The following UBE3C variants were observed in gnomAD, a reference collection of about 807,000 sequenced individuals.
The protein encoded by UBE3C is ubiquitin-protein ligase E3C.
Under a neutral mutation model 129.4 loss-of-function variants are expected in UBE3C, and 42 were observed. The observed-to-expected ratio is 0.32, with a 90% CI of 0.25 to 0.42. The LOEUF (loss-of-function observed/expected upper bound fraction) is 0.42. Among genes scored for constraint, UBE3C ranks in the 10% least tolerant of loss-of-function variants. The pLI is 1.00. For missense variants in UBE3C, 1,049 were observed against 1,319.1 expected (o/e 0.80, Z 3.17); for synonymous variants, 510 against 492.4 (o/e 1.04, Z -0.47).
chr7:157,243,493 TCA>T (rs1389028716), intron 18 of UBE3C, among the ~76,000 whole-genome samples: 1 of 152,212 alleles, frequency 6.6e-6, no homozygotes, highest in Non-Finnish European at 1.5e-5. Flanking sequence ...AGGAGTGAGT[TCA>T]CCTCAGCTCA....
chr7:157,139,379 G>A, intron 1 of UBE3C, 41 bp downstream of exon 1: 2 of 1,492,960 alleles, frequency 1.3e-6, no homozygotes, highest in Non-Finnish European at 9.0e-7. Context: ...CTCGGGGCCT[G>A]CGCGGCCGGG....
intron 10 of UBE3C, among the ~76,000 whole-genome samples, chr7:157,201,449 T>G (rs2116986543): frequency 6.6e-6 from 1 of 150,968 alleles, no homozygotes; most frequent in South Asian, 2.1e-4. Flanking sequence ...CTTATATCTT[T>G]ATCTTTTGGG....
intron 1 of UBE3C, among the ~76,000 whole-genome samples, chr7:157,162,517 C>G (rs904245549): frequency 6.8e-6 from 1 of 147,652 alleles, no homozygotes; most frequent in Non-Finnish European, 1.5e-5. Context: ...TGTAATGATT[C>G]ATATATAGTG....
intron 10 of UBE3C, chr7:157,197,587 G>T: frequency 6.4e-7 from 1 of 1,569,360 alleles, no homozygotes; most frequent in Non-Finnish European, 8.7e-7. Flanking sequence ...GTACTGCATG[G>T]ATAGGAACAA....
chr7:157,195,842 A>G (rs2116968475), intron 10 of UBE3C, among the ~76,000 whole-genome samples: 1 of 152,158 alleles, frequency 6.6e-6, no homozygotes, highest in South Asian at 2.1e-4. Context: ...GATGGATCTG[A>G]ATCTTTTAAC....
intron 18 of UBE3C, among the ~76,000 whole-genome samples, chr7:157,241,522 C>G (rs1296064616): frequency 6.6e-6 from 1 of 152,216 alleles, no homozygotes; most frequent in African/African-American, 2.4e-5. Context: ...GGCTGCCGCG[C>G]ACACCCGCGA....
rs1809291390 is a variant in UBE3C, at chr7:157,201,732, G to A, written c.1343G>A (p.Ser448Asn). The A allele has an allele frequency of 6.4e-7, 1 of 1,568,080 alleles. No individual in the cohort carries two copies. Among genetic ancestry groups the A allele is most frequent in the African/African-American group, 1.4e-5 (1 of 70,168 alleles). Residue 448 changes from serine to asparagine, a missense_variant, in exon 11 of 23, where the codon AGT becomes AAT. Transcript: ENST00000348165. ...CTATTCCTTTTTAGGCTTCTCTACAGTTTAGCCTTTAATGCCAGGTTTCTG... is the reference window on the plus strand; with the variant it reads ...CTATTCCTTTTTAGGCTTCTCTACAATTTAGCCTTTAATGCCAGGTTTCTG... Reference protein sequence around the residue: ...MMVPKVRLLYSLAFNARFLRH... With the variant: ...MMVPKVRLLYNLAFNARFLRH...
intron 18 of UBE3C, among the ~76,000 whole-genome samples, chr7:157,241,536 C>T (rs896952436): frequency 3.1e-4 from 47 of 152,188 alleles, no homozygotes; most frequent in African/African-American, 8.7e-4. Flanking sequence ...CCCGCGAGTA[C>T]GGCGGGAATC....
intron 10 of UBE3C, among the ~76,000 whole-genome samples, chr7:157,201,134 G>C (rs1174859920): frequency 6.6e-6 from 1 of 151,846 alleles, no homozygotes; most frequent in Admixed American, 6.6e-5. Context: ...GACCAGCCTG[G>C]CCAACGTTGT....
chr7:157,144,749 A>G (rs549226676), intron 1 of UBE3C, among the ~76,000 whole-genome samples: 2 of 152,270 alleles, frequency 1.3e-5, no homozygotes, highest in East Asian at 3.9e-4. Flanking sequence ...AGCAGAGGGT[A>G]GGGTTCCCAT....
chr7:157,259,134 A>T (rs780152913), intron 22 of UBE3C, among the ~76,000 whole-genome samples: 3 of 152,222 alleles, frequency 2.0e-5, no homozygotes, highest in Non-Finnish European at 4.4e-5. Flanking sequence ...CTGCAGCATC[A>T]CTTGAGCACA....
At chr7:157,160,772 G>T (rs1366975462) in intron 1 of UBE3C, among the ~76,000 whole-genome samples, 1 of 152,144 alleles carries the variant, frequency 6.6e-6, no homozygotes, top group East Asian at 1.9e-4. Context: ...GATCTTGTCT[G>T]CAGTGTTTTT....
intron 9 of UBE3C, among the ~76,000 whole-genome samples, chr7:157,186,350 C>T (rs184614975): frequency 8.4e-4 from 126 of 150,474 alleles, no homozygotes; most frequent in Middle Eastern, 3.4e-3. Context: ...ACCTGGGAGG[C>T]GGAGGTTGCA....
chr7:157,220,986 C>T, intron 15 of UBE3C: 1 of 512,296 alleles, frequency 2.0e-6, no homozygotes, highest in South Asian at 2.3e-5. Context: ...TCTGTTTTGT[C>T]CTGTCACTTT....
rs73743332 is a variant in UBE3C, at chr7:157,253,068, A to T, written c.2695-886A>T. ...TTTTCTTAATAAATACTTTTTAAAA[A>T]TTTTTTTATTTAAAATACACTCTTT... On this transcript the variant is annotated intron_variant, in intron 19 of 22. Transcript: ENST00000348165. Among the ~76,000 whole-genome samples, 784 of 152,180 alleles carry T rather than the reference A, an allele frequency of 5.2e-3. 5 individuals carry two copies. The highest frequency in any genetic ancestry group is 0.018 in the African/African-American group (751 of 41,522).
chr7:157,222,862 A>G (rs1400438042), intron 15 of UBE3C: 1 of 210,176 alleles, frequency 4.8e-6, no homozygotes, highest in Admixed American at 5.5e-5. Flanking sequence ...TCTGGGAGGA[A>G]CTTTGTTGCC....
At chr7:157,243,167 C>T (rs1287003145) in intron 18 of UBE3C, among the ~76,000 whole-genome samples, 7 of 152,200 alleles carry the variant, frequency 4.6e-5, no homozygotes, top group African/African-American at 7.2e-5. Context: ...GTGTCCTCCA[C>T]GGTCCCCATC....
At chr7:157,195,500 G>C (rs1485192334) in intron 10 of UBE3C, among the ~76,000 whole-genome samples, 5 of 152,188 alleles carry the variant, frequency 3.3e-5, no homozygotes, top group Non-Finnish European at 5.9e-5. Flanking sequence ...GAGGGTGCCT[G>C]GCTGGTTTTG....
At chr7:157,150,807 A>T (rs1434658161) in intron 1 of UBE3C, among the ~76,000 whole-genome samples, 1 of 152,254 alleles carries the variant, frequency 6.6e-6, no homozygotes, top group Admixed American at 6.5e-5. Context: ...ATTGAATAAA[A>T]GAAAGATACT....
Sources: gnomAD v4.1 joint callset for allele counts (sites outside exome capture counted in the v4.1 genomes callset) on GRCh38, gnomAD v4.1.1 for gene constraint, MANE v1.5 for transcripts, NCBI Gene and HGNC (gene_info 2026-07-23, HGNC 2026-07-21) for gene names.